Variants in NEGR1 observed in about 807,000 individuals in gnomAD.
NEGR1 encodes neuronal growth regulator 1, also known as IgLON family member 4.
A neutral mutation model predicts 40.9 loss-of-function variants in NEGR1; 10 were observed. The observed-to-expected ratio is 0.24, with a 90% CI of 0.15 to 0.42. The LOEUF (loss-of-function observed/expected upper bound fraction) is 0.42. Among genes scored for constraint, NEGR1 ranks in the 10% least tolerant of loss-of-function variants. NEGR1 has a pLI of 1.00. For synonymous variants in NEGR1, 185 were observed against 166.8 expected, an observed-to-expected ratio of 1.11 and a Z score of -0.84; for missense variants, 352 against 438.9, an observed-to-expected ratio of 0.80 and a Z score of 1.77.
intron 3 of NEGR1, among the ~76,000 whole-genome samples, chr1:71,774,537 C>A (rs916258178): frequency 6.6e-6 from 1 of 152,050 alleles, no homozygotes; most frequent in Admixed American, 6.6e-5. Flanking sequence ...AATGAGTAAA[C>A]TGAAAGTCGC....
At chr1:72,249,771 A>G (rs1249048046) in intron 1 of NEGR1, among the ~76,000 whole-genome samples, 1 of 152,216 alleles carries the variant, frequency 6.6e-6, no homozygotes, top group Non-Finnish European at 1.5e-5. Flanking sequence ...CCGGCAAAGA[A>G]GAACAGGGAA....
chr1:71,865,932 A>G (rs1660098836), intron 2 of NEGR1, among the ~76,000 whole-genome samples: 2 of 152,170 alleles, frequency 1.3e-5, no homozygotes, highest in African/African-American at 4.8e-5. Context: ...AAAGACATAT[A>G]CATCTTAGAC....
At chr1:71,905,233 T>C (rs1661243907) in intron 2 of NEGR1, among the ~76,000 whole-genome samples, 1 of 152,106 alleles carries the variant, frequency 6.6e-6, no homozygotes, top group African/African-American at 2.4e-5. Context: ...TTTTTTTCTT[T>C]AACAGCTATG....
Position 71,589,933 on chromosome 1 carries a change from C to T in NEGR1, c.940+2884G>A, listed in dbSNP as rs900728503. Among the ~76,000 whole-genome samples the T allele has an allele frequency of 7.2e-5, 11 of 152,076 alleles. 1 individual carries two copies. The highest frequency in any genetic ancestry group is 2.7e-4 in the African/African-American group (11 of 41,410). On this transcript the variant is annotated intron_variant, in intron 6 of 6. Transcript: ENST00000357731. Reference sequence around the variant, plus strand: ...TCTTCATCGTGTCAACTTGTCTACCCTCATCTCTCAATACTCTCCTTCTAC... The same window carrying T: ...TCTTCATCGTGTCAACTTGTCTACCTTCATCTCTCAATACTCTCCTTCTAC...
rs1171488767 is a variant in NEGR1 at position 71,400,629 on chromosome 1, T to C, written c.*6817A>G. ...AAAGGAGTAATTAAAAAACATAGAT[T>C]ATTAGATAGATAGGTTACTTGGGTT... On this transcript the variant is annotated 3_prime_UTR_variant, in exon 7 of 7. Transcript: ENST00000357731. 1 of 151,894 alleles carries C rather than the reference T, an allele frequency of 6.6e-6. No homozygotes were observed. The highest frequency in any genetic ancestry group is 6.6e-5 in the Admixed American group (1 of 15,230). The allele number at this position is 151,894 out of a possible 1,614,324, so 9.4% of individuals were successfully genotyped here.
intron 2 of NEGR1, among the ~76,000 whole-genome samples, chr1:71,822,508 C>T (rs1168236320): frequency 1.3e-5 from 2 of 151,888 alleles, no homozygotes; most frequent in East Asian, 1.9e-4. Context: ...GCATCAGCTC[C>T]CACTTGTCAA....
At chr1:72,206,958 T>C (rs933752427) in intron 1 of NEGR1, among the ~76,000 whole-genome samples, 2 of 150,794 alleles carry the variant, frequency 1.3e-5, no homozygotes, top group East Asian at 2.0e-4. Context: ...AGAAGACAAA[T>C]TTACATAAGA....
At chr1:71,426,630 T>C (rs1040029183) in intron 6 of NEGR1, among the ~76,000 whole-genome samples, 1 of 152,200 alleles carries the variant, frequency 6.6e-6, no homozygotes, top group Non-Finnish European at 1.5e-5. Flanking sequence ...TCTGATTTCC[T>C]TACTGTGTGC....
chr1:72,275,084 T>G (rs1655994325), intron 1 of NEGR1: 1 of 955,626 alleles, frequency 1.0e-6, no homozygotes, highest in Non-Finnish European at 1.7e-6. Flanking sequence ...ACCAGTGACC[T>G]CCTGATACCG....
chr1:72,185,042 C>G (rs1372517948), intron 1 of NEGR1, among the ~76,000 whole-genome samples: 1 of 151,924 alleles, frequency 6.6e-6, no homozygotes, highest in Non-Finnish European at 1.5e-5. Flanking sequence ...ATAAACAACA[C>G]TATTTTCATG....
chr1:71,825,715 C>T (rs1557667122), intron 2 of NEGR1, among the ~76,000 whole-genome samples: 1 of 151,746 alleles, frequency 6.6e-6, no homozygotes. Flanking sequence ...AAAAGGATCA[C>T]ATGTGATTAT....
chr1:72,017,996 T>C (rs1472613944), intron 1 of NEGR1, among the ~76,000 whole-genome samples: 3 of 152,116 alleles, frequency 2.0e-5, no homozygotes, highest in Non-Finnish European at 4.4e-5. Flanking sequence ...GGGCAGATAT[T>C]TATATATTTA....
At chr1:72,229,681 TA>T (rs1654298957) in intron 1 of NEGR1, among the ~76,000 whole-genome samples, 1 of 151,736 alleles carries the variant, frequency 6.6e-6, no homozygotes, top group Non-Finnish European at 1.5e-5. Flanking sequence ...AGTTGATTTA[TA>T]AAGAGATCTA....
intron 1 of NEGR1, among the ~76,000 whole-genome samples, chr1:72,239,740 AG>A (rs750642085): frequency 2.0e-5 from 3 of 151,768 alleles, no homozygotes; most frequent in Non-Finnish European, 4.4e-5. Flanking sequence ...AAGGAATACT[AG>A]AAAGGAATTA....
chr1:71,816,842 C>T (rs1658235261), intron 2 of NEGR1, among the ~76,000 whole-genome samples: 1 of 152,004 alleles, frequency 6.6e-6, no homozygotes, highest in Non-Finnish European at 1.5e-5. Flanking sequence ...GCCCTTCAAA[C>T]TGTGCTTGTA....
At chr1:71,934,468 C>T (rs1221176437) in intron 2 of NEGR1, among the ~76,000 whole-genome samples, 3 of 151,986 alleles carry the variant, frequency 2.0e-5, no homozygotes, top group African/African-American at 7.2e-5. Context: ...TAAAGAAATC[C>T]TAGAAGGCTG....
rs1393478794 is a variant in NEGR1 at position 71,497,053 on chromosome 1, A to G, written c.941-89483T>C. ...GCAAAGCGTGGTGTGTCCGATTTCC[A>G]TAACTCTATCCCTCTTCAGTATACT... is the stretch of plus-strand genomic sequence containing the variant. On this transcript the variant is annotated intron_variant, in intron 6 of 6. Transcript: ENST00000357731. Among the ~76,000 whole-genome samples, 3 of 152,198 alleles carry G rather than the reference A, an allele frequency of 2.0e-5. No individual in the cohort carries two copies. The South Asian group carries it at 6.2e-4, about 31-fold the overall frequency.
intron 1 of NEGR1, among the ~76,000 whole-genome samples, chr1:72,190,634 T>C (rs1652787275): frequency 6.6e-6 from 1 of 151,640 alleles, no homozygotes; most frequent in African/African-American, 2.4e-5. Context: ...ATTTTGTTTC[T>C]ATTTATTAAT....
intron 1 of NEGR1, among the ~76,000 whole-genome samples, chr1:72,237,729 C>G (rs1242362738): frequency 6.6e-6 from 1 of 151,858 alleles, no homozygotes; most frequent in Non-Finnish European, 1.5e-5. Flanking sequence ...TTTTATTAGA[C>G]CCTTTCTTTG....
Sources: gnomAD v4.1 joint callset for allele counts (sites outside exome capture counted in the v4.1 genomes callset) on GRCh38, gnomAD v4.1.1 for gene constraint, MANE v1.5 for transcripts, NCBI Gene and HGNC (gene_info 2026-07-23, HGNC 2026-07-21) for gene names.